TVP23A: variants seen among roughly 807,000 people sequenced by gnomAD.
The protein encoded by TVP23A is trans-golgi network vesicle protein 23 homolog A, also known as Golgi apparatus membrane protein TVP23 homolog A.
A neutral mutation model predicts 31.7 loss-of-function variants in TVP23A; 21 were observed. That is an observed-to-expected ratio of 0.66 (90% CI 0.47 to 0.95). The LOEUF is 0.95. Ranked by LOEUF, TVP23A falls within the 40% of genes least tolerant of loss-of-function variation. The pLI, the probability that TVP23A is intolerant of heterozygous loss-of-function variation, is 0.00. For synonymous variants in TVP23A, 104 were observed against 96.0 expected, an observed-to-expected ratio of 1.08 and a Z score of -0.49; for missense variants, 279 against 255.6, an observed-to-expected ratio of 1.09 and a Z score of -0.62.
intron 2 of TVP23A, among the ~76,000 whole-genome samples, chr16:10,796,781 G>A (rs2033414287): frequency 1.3e-5 from 2 of 152,180 alleles, no homozygotes; most frequent in Non-Finnish European, 2.9e-5. Flanking sequence ...ATATTGTGAT[G>A]TGTGGATGTT....
At chr16:10,810,557 A>AAAAG (rs2034150157) in intron 2 of TVP23A, among the ~76,000 whole-genome samples, 1 of 145,026 alleles carries the variant, frequency 6.9e-6, no homozygotes, top group African/African-American at 2.9e-5. Flanking sequence ...AAAAAAAAAA[A>AAAAG]AAAAGAAAAG....
At chr16:10,808,406 T>G in intron 2 of TVP23A, 1 of 398,002 alleles carries the variant, frequency 2.5e-6, no homozygotes, top group South Asian at 1.8e-5. Context: ...CCTGAAGACC[T>G]GAGCCCACTA....
chr16:10,760,100 G>A (rs899366663), downstream of TVP23A, among the ~76,000 whole-genome samples: 1 of 152,212 alleles, frequency 6.6e-6, no homozygotes, highest in African/African-American at 2.4e-5. Context: ...AGAAGGAAAT[G>A]CAAAGTTGTC....
downstream of TVP23A, chr16:10,762,034 C>A (rs114126197): frequency 4.5e-5 from 25 of 559,676 alleles, no homozygotes; most frequent in Admixed American, 7.8e-4. Flanking sequence ...GGAGAGAGGC[C>A]GAGACCCCTG....
At chr16:10,812,264 T>C (rs2034240055) in intron 2 of TVP23A, among the ~76,000 whole-genome samples, 1 of 152,198 alleles carries the variant, frequency 6.6e-6, no homozygotes, top group Admixed American at 6.5e-5. Flanking sequence ...AATAACAATG[T>C]TGGCAAGGAT....
chr16:10,809,081 G>A (rs769480993), intron 2 of TVP23A, among the ~76,000 whole-genome samples: 26 of 152,318 alleles, frequency 1.7e-4, no homozygotes, highest in Admixed American at 5.9e-4. Context: ...AGTCACACTC[G>A]TGATCAGAAT....
intron 2 of TVP23A, among the ~76,000 whole-genome samples, chr16:10,791,636 C>A (rs1228148934): frequency 6.6e-6 from 1 of 152,160 alleles, no homozygotes; most frequent in East Asian, 1.9e-4. Context: ...GAGACAGAGT[C>A]TTGCTCTGTT....
chr16:10,767,057 G>A lies in TVP23A; in HGVS notation c.*2045C>T. 2.5e-6 allele frequency: 1 copy of A among 398,734 alleles called. No individual in the cohort carries two copies. Among genetic ancestry groups the A allele is most frequent in the Non-Finnish European group, 4.4e-6 (1 of 226,130 alleles). 24.7% of individuals were successfully genotyped at this position (398,734 alleles called of 1,614,324 possible). On this transcript the variant is annotated 3_prime_UTR_variant, in exon 8 of 8. Transcript: ENST00000299866. The surrounding 1 kb of genome is among the most constrained non-coding windows in gnomAD (Gnocchi z 4.6). ...GACACAGTAGTGAAGTTGAGGAAAT[G>A]ATGAGTGCTAGGTAGGAACCCCTCC...
intron 7 of TVP23A, 95 bp downstream of exon 7, chr16:10,770,177 G>A (rs2031464377): frequency 2.0e-6 from 3 of 1,479,894 alleles, no homozygotes; most frequent in Middle Eastern, 2.4e-4. Context: ...GGGAACAGGG[G>A]AAGCCCACCC....
At chr16:10,776,722 A>G (rs187665640) in intron 2 of TVP23A, among the ~76,000 whole-genome samples, 1 of 152,358 alleles carries the variant, frequency 6.6e-6, no homozygotes, top group Admixed American at 6.5e-5. Context: ...GCTAGTCTAT[A>G]GATAGAGCAG....
intron 2 of TVP23A, among the ~76,000 whole-genome samples, chr16:10,793,952 G>C (rs538068901): frequency 6.7e-6 from 1 of 148,378 alleles, no homozygotes; most frequent in Non-Finnish European, 1.5e-5. Flanking sequence ...CACAGTTCTG[G>C]AGGCTGGCAA....
intron 2 of TVP23A, among the ~76,000 whole-genome samples, chr16:10,808,370 G>A (rs956509457): frequency 6.6e-6 from 1 of 151,968 alleles, no homozygotes; most frequent in African/African-American, 2.4e-5. Flanking sequence ...GGGATTTTCA[G>A]GGGTGATTTT....
At chr16:10,806,720 T>G (rs1477972343) in intron 2 of TVP23A, among the ~76,000 whole-genome samples, 4 of 152,196 alleles carry the variant, frequency 2.6e-5, no homozygotes, top group African/African-American at 9.7e-5. Flanking sequence ...TAGGCTGGTC[T>G]CGAACTCCTG....
chr16:10,781,658 C>T (rs778005044), intron 2 of TVP23A, among the ~76,000 whole-genome samples: 1 of 152,122 alleles, frequency 6.6e-6, no homozygotes, highest in African/African-American at 2.4e-5. Flanking sequence ...CAGCTCTACC[C>T]GGGTTCAGCA....
chr16:10,814,021 A>AAT (rs1329722740), intron 2 of TVP23A, among the ~76,000 whole-genome samples: 1 of 139,532 alleles, frequency 7.2e-6, no homozygotes, highest in Non-Finnish European at 1.5e-5. Context: ...AAAAAAAAAA[A>AAT]AAAAAAAAAT....
intron 2 of TVP23A, among the ~76,000 whole-genome samples, chr16:10,814,256 A>C (rs80057794): frequency 0.082 from 12,420 of 152,146 alleles, 1,665 homozygotes; most frequent in African/African-American, 0.28. Flanking sequence ...CCACCTGGAT[A>C]CATGAACTGC....
At chr16:10,781,058 G>A (rs150597360) in intron 2 of TVP23A, among the ~76,000 whole-genome samples, 30 of 152,240 alleles carry the variant, frequency 2.0e-4, no homozygotes, top group African/African-American at 6.3e-4. Flanking sequence ...GAGGAGACTC[G>A]GTGCTAACGC....
At chr16:10,760,224 G>A (rs1387616244), downstream of TVP23A, among the ~76,000 whole-genome samples, 6 of 152,230 alleles carry the variant, frequency 3.9e-5, no homozygotes, top group South Asian at 2.1e-4. Context: ...TAGGCGTTGC[G>A]GACCCCACGG....
At chr16:10,785,774 T>A in intron 2 of TVP23A, among the ~76,000 whole-genome samples, 1 of 152,316 alleles carries the variant, frequency 6.6e-6, no homozygotes, top group Non-Finnish European at 1.5e-5. Flanking sequence ...TCTATGTGAT[T>A]GTACTCAATA....
Sources: gnomAD v4.1 joint callset for allele counts (sites outside exome capture counted in the v4.1 genomes callset) on GRCh38, gnomAD v4.1.1 for gene constraint, Gnocchi (gnomAD v3.1) non-coding constraint, MANE v1.5 for transcripts, NCBI Gene and HGNC (gene_info 2026-07-23, HGNC 2026-07-21) for gene names.